Variants in GREB1 observed in about 807,000 individuals in gnomAD.
GREB1 encodes the protein growth regulating estrogen receptor binding 1.
In GREB1, 106 loss-of-function variants were observed where a neutral mutation model predicts 200.7. The ratio of observed to expected loss-of-function variants is 0.53; its 90% CI spans 0.45 to 0.62. GREB1 has a LOEUF of 0.62. GREB1 is among the 20% of genes least tolerant of loss of function. The pLI is 0.00. For synonymous variants in GREB1, 1,132 were observed against 1,092.4 expected, an observed-to-expected ratio of 1.04 and a Z score of -0.72; for missense variants, 2,243 against 2,556.8, an observed-to-expected ratio of 0.88 and a Z score of 2.65.
chr2:11,499,712 C>G (rs1672978269), intron 1 of GREB1, among the ~76,000 whole-genome samples: 1 of 152,182 alleles, frequency 6.6e-6, no homozygotes, highest in Non-Finnish European at 1.5e-5. Flanking sequence ...ATTCCTCTAC[C>G]TGGACATGAC....
Position 11,605,523 on chromosome 2 carries a change from T to C in GREB1, c.2666+2981T>C, listed in dbSNP as rs111450862. 2.8e-3 allele frequency among the ~76,000 whole-genome samples: 422 copies of C among 152,258 alleles called. 3 individuals are homozygous for C. Among genetic ancestry groups the C allele is most frequent in the African/African-American group, 9.7e-3 (402 of 41,548 alleles). On this transcript the variant is annotated intron_variant, in intron 17 of 32. Transcript: ENST00000381486. Reference sequence around the variant, plus strand: ...ACAGGCGTGAGCCACCGTGCCCGGCTGTGCATATTTAAAGTATTCAATTTA... The same window carrying C: ...ACAGGCGTGAGCCACCGTGCCCGGCCGTGCATATTTAAAGTATTCAATTTA...
chr2:11,560,780 C>T (rs991773108), intron 2 of GREB1, among the ~76,000 whole-genome samples: 5 of 151,996 alleles, frequency 3.3e-5, no homozygotes, highest in African/African-American at 1.2e-4. Flanking sequence ...ACCCTGTTCC[C>T]TGAAGAACTC....
chr2:11,583,206 G>A (rs180893536), intron 7 of GREB1, among the ~76,000 whole-genome samples: 4 of 152,294 alleles, frequency 2.6e-5, no homozygotes, highest in African/African-American at 4.8e-5. Flanking sequence ...AAACATCTGC[G>A]TCTCTTCAAT....
Position 11,610,917 on chromosome 2 carries a change from C to T in GREB1, c.2896C>T (p.Arg966Trp), listed in dbSNP as rs773478678. Residue 966 changes from arginine (R) to tryptophan (W), a missense_variant, in exon 18 of 33, where the codon CGG becomes TGG. By Grantham distance (101) the Arg-to-Trp change is moderately radical (BLOSUM62 -3). This residue lies in a region of GREB1 where 1,178 missense variants were observed against 1,387.4 expected (regional missense o/e 0.85). Transcript: ENST00000381486. ...CSPLAVVAYE[R>W]LAHVRARLAL... Reference sequence around the variant, plus strand: ...GCCCCTGGCGGTGGTGGCCTATGAGCGGCTGGCCCACGTGCGGGCCCGGCT... The same window carrying T: ...GCCCCTGGCGGTGGTGGCCTATGAGTGGCTGGCCCACGTGCGGGCCCGGCT... 1.4e-5 allele frequency: 22 copies of T among 1,612,340 alleles called. No individual in the cohort carries two copies. Among genetic ancestry groups the T allele is most frequent in the Admixed American group, 1.7e-5 (1 of 59,950 alleles).
At chr2:11,605,316 C>T (rs1304645906) in intron 17 of GREB1, among the ~76,000 whole-genome samples, 1 of 151,468 alleles carries the variant, frequency 6.6e-6, no homozygotes, top group Non-Finnish European at 1.5e-5. Flanking sequence ...ACCTCTGCCT[C>T]CCAGGTTCAA....
In GREB1 at chr2:11,625,141, A is replaced by G. The variant is rs772661810; in HGVS notation, c.4148-13A>G. The stretch of plus-strand genomic sequence containing the variant: ...CCTATTTTGTCACATCTATGTTTCT[A>G]CCAATCTTGTAGACCTCAGAGAAGA... On this transcript the variant is annotated splice_polypyrimidine_tract_variant and intron_variant, in intron 23 of 32. Transcript: ENST00000381486. 1.7e-5 allele frequency: 28 copies of G among 1,607,248 alleles called. No homozygotes were observed. The highest frequency in any genetic ancestry group is 3.3e-4 in the Middle Eastern group (2 of 6,070).
intron 1 of GREB1, among the ~76,000 whole-genome samples, chr2:11,488,739 C>T (rs563006871): frequency 1.1e-4 from 17 of 149,284 alleles, no homozygotes; most frequent in African/African-American, 4.0e-4. Context: ...TGCAGTGAGC[C>T]GAGCCTGTGC....
In GREB1 at chr2:11,625,323, G is replaced by A; in HGVS notation, c.4306+11G>A. The A allele has an allele frequency of 6.2e-7, 1 of 1,613,304 alleles. No homozygotes were observed. The highest frequency in any genetic ancestry group is 8.5e-7 in the Non-Finnish European group (1 of 1,179,276). On this transcript the variant is annotated intron_variant, in intron 24 of 32. Coordinates refer to ENST00000381486, the MANE Select transcript of GREB1 (RefSeq NM_014668.4). ...GTATAAAGAGTGAAGGTCAGACTTT[G>A]AATCTCTCGTTTCACCTTCCAGAGT...
At chr2:11,592,142 C>G in intron 10 of GREB1, 1 of 970,992 alleles carries the variant, frequency 1.0e-6, no homozygotes, top group Non-Finnish European at 1.2e-6. Flanking sequence ...GTTTAAAGAC[C>G]TTCTCTAACA....
intron 1 of GREB1, among the ~76,000 whole-genome samples, chr2:11,504,376 G>A (rs1356915348): frequency 6.6e-6 from 1 of 152,188 alleles, no homozygotes; most frequent in Non-Finnish European, 1.5e-5. Flanking sequence ...GTGGATGAGG[G>A]TCTTCAAAGC....
intron 1 of GREB1, among the ~76,000 whole-genome samples, chr2:11,512,362 C>T (rs915517162): frequency 2.6e-5 from 4 of 152,164 alleles, no homozygotes; most frequent in African/African-American, 9.7e-5. Context: ...TTTTAAAAAG[C>T]AGCTAAGTGC....
intron 2 of GREB1, among the ~76,000 whole-genome samples, chr2:11,557,043 T>G (rs1676496571): frequency 6.6e-6 from 1 of 152,236 alleles, no homozygotes; most frequent in Non-Finnish European, 1.5e-5. Flanking sequence ...CTTATGCTCT[T>G]ATTAGAAGGT....
chr2:11,513,402 G>A (rs563698685), intron 1 of GREB1, among the ~76,000 whole-genome samples: 4 of 152,232 alleles, frequency 2.6e-5, no homozygotes, highest in African/African-American at 9.6e-5. Flanking sequence ...TCAGGGTCAC[G>A]GTAATTAATT....
intron 9 of GREB1, chr2:11,587,606 G>A (rs1345347014): frequency 9.6e-6 from 14 of 1,461,200 alleles, no homozygotes; most frequent in African/African-American, 5.7e-5. Context: ...TTTACTCCCC[G>A]AGCCCAGCAG....
chr2:11,625,084 T>C, intron 23 of GREB1, 70 bp from the exon 24 acceptor site: 2 of 1,227,552 alleles, frequency 1.6e-6, no homozygotes, highest in Admixed American at 1.7e-5. Flanking sequence ...CTGTGTTGTT[T>C]AGCGACACAT....
Position 11,580,186 on chromosome 2 carries a change from C to T in GREB1, c.773-518C>T, listed in dbSNP as rs191691176. 1.8e-3 allele frequency among the ~76,000 whole-genome samples: 274 copies of T among 152,298 alleles called. No individual in the cohort carries two copies. Among genetic ancestry groups the T allele is most frequent in the Middle Eastern group, 6.8e-3 (2 of 294 alleles). Reference sequence around the variant, plus strand: ...TCAATTACCTCCCGCCAGGTCCCTCCCACGACACAGGGGGATTATGGGAGC... The same window carrying T: ...TCAATTACCTCCCGCCAGGTCCCTCTCACGACACAGGGGGATTATGGGAGC... On this transcript the variant is annotated intron_variant, in intron 6 of 32. Transcript: ENST00000381486. The surrounding 1 kb of genome is among the most constrained non-coding windows in gnomAD (Gnocchi z 4.5).
At chr2:11,503,337 A>C (rs1293675022) in intron 1 of GREB1, among the ~76,000 whole-genome samples, 1 of 152,182 alleles carries the variant, frequency 6.6e-6, no homozygotes. Flanking sequence ...GGCATTGTTC[A>C]TATTCACATT....
intron 1 of GREB1, among the ~76,000 whole-genome samples, chr2:11,483,269 T>C (rs1433346004): frequency 2.1e-5 from 3 of 145,896 alleles, no homozygotes; most frequent in Non-Finnish European, 4.5e-5. Flanking sequence ...TGCACGTGTG[T>C]GCGTGTGTGA....
chr2:11,598,158 T>C (rs750340468), intron 14 of GREB1, among the ~76,000 whole-genome samples, 180 bp downstream of exon 14: 2 of 152,230 alleles, frequency 1.3e-5, no homozygotes, highest in Non-Finnish European at 2.9e-5. Context: ...TTAGGATCTG[T>C]TGAAGGTAGA....
Sources: allele counts gnomAD v4.1 joint callset (sites outside exome capture counted in the v4.1 genomes callset), GRCh38; gene constraint gnomAD v4.1.1; regional missense constraint gnomAD v4.1.1; non-coding constraint Gnocchi (gnomAD v3.1); transcripts MANE v1.5; gene names NCBI Gene and HGNC (gene_info 2026-07-23, HGNC 2026-07-21).